The following NEK1 variants were observed in gnomAD, a reference collection of about 807,000 sequenced individuals.
NEK1 encodes serine/threonine-protein kinase Nek1.
Under a neutral mutation model 182.1 loss-of-function variants are expected in NEK1, and 137 were observed. The ratio of observed to expected loss-of-function variants is 0.75; its 90% CI spans 0.65 to 0.87. NEK1 has a LOEUF of 0.87. Ranked by LOEUF, NEK1 falls within the 40% of genes least tolerant of loss-of-function variation. NEK1 has a pLI of 0.00. For synonymous variants in NEK1, 513 were observed against 492.2 expected, an observed-to-expected ratio of 1.04 and a Z score of -0.56; for missense variants, 1,391 against 1,494.4, an observed-to-expected ratio of 0.93 and a Z score of 1.14.
At chr4:169,593,854 TGGCG>T (rs1768969244) in intron 5 of NEK1, among the ~76,000 whole-genome samples, 1 of 152,124 alleles carries the variant, frequency 6.6e-6, no homozygotes, top group Non-Finnish European at 1.5e-5. Context: ...CCAGGCGTGA[TGGCG>T]GGCGCCTGTA....
intron 12 of NEK1, among the ~76,000 whole-genome samples, chr4:169,569,539 C>T (rs367942835): frequency 4.0e-5 from 6 of 150,206 alleles, no homozygotes; most frequent in East Asian, 2.0e-4. Context: ...CCTCTGATGC[C>T]GAGCCGAAGC....
chr4:169,601,151 G>A (rs777326440), intron 4 of NEK1, among the ~76,000 whole-genome samples: 5 of 152,084 alleles, frequency 3.3e-5, no homozygotes, highest in Non-Finnish European at 7.4e-5. Context: ...TGTATTAATT[G>A]AATCACATTT....
intron 4 of NEK1, 107 bp downstream of exon 4, chr4:169,601,901 T>C (rs1770557744): frequency 5.3e-6 from 4 of 755,648 alleles, no homozygotes; most frequent in Non-Finnish European, 6.8e-6. Context: ...GATATTCATA[T>C]GCGTATGTTT....
At chr4:169,498,503 T>C (rs1390924755) in intron 23 of NEK1, among the ~76,000 whole-genome samples, 1 of 152,206 alleles carries the variant, frequency 6.6e-6, no homozygotes, top group Non-Finnish European at 1.5e-5. Context: ...CTAGCCTCGA[T>C]GGTCTTTACA....
intron 35 of NEK1, among the ~76,000 whole-genome samples, chr4:169,394,941 C>T (rs1400377788): frequency 6.6e-6 from 1 of 151,982 alleles, no homozygotes; most frequent in Non-Finnish European, 1.5e-5. Context: ...TGGGTGATCA[C>T]TGTAAAGTTC....
chr4:169,469,996 C>A (rs538727875), intron 26 of NEK1, among the ~76,000 whole-genome samples: 3 of 144,070 alleles, frequency 2.1e-5, no homozygotes, highest in East Asian at 4.0e-4. Context: ...ATTCCTCCAT[C>A]GCTTTATTTT....
At chr4:169,404,266 T>C (rs1025998192) in intron 32 of NEK1, among the ~76,000 whole-genome samples, 6 of 151,992 alleles carry the variant, frequency 3.9e-5, no homozygotes, top group African/African-American at 1.4e-4. Context: ...ATGACTACAG[T>C]CAAGTAGAAG....
intron 30 of NEK1, among the ~76,000 whole-genome samples, 197 bp downstream of exon 30, chr4:169,425,949 A>C (rs1392182917): frequency 6.6e-6 from 1 of 152,152 alleles, no homozygotes; most frequent in Non-Finnish European, 1.5e-5. Flanking sequence ...CTGACCAAAA[A>C]CTTTCACTGC....
chr4:169,463,315 C>T lies in NEK1; in HGVS notation c.2515G>A (p.Val839Ile). The change falls in exon 27 of 36, where the codon GTT (valine) becomes ATT (isoleucine). Residue 839 changes from valine to isoleucine, a missense_variant. Physicochemically the swap from Val to Ile is conservative, Grantham distance 29 (BLOSUM62 3). This residue lies in a region of NEK1 where 1,216 missense variants were observed against 1,277.6 expected (regional missense o/e 0.95). Coordinates refer to ENST00000507142, the MANE Select transcript of NEK1 (RefSeq NM_001199397.3). ...RAWGKSPTDS[V>I]LKILGEAELQ... ...TCAGCTTCTCCAAGTATCTTTAGAACAGAATCTGTCGGACTTTTCCCCCAG... is the reference window on the plus strand; with the variant it reads ...TCAGCTTCTCCAAGTATCTTTAGAATAGAATCTGTCGGACTTTTCCCCCAG... The T allele has an allele frequency of 6.2e-7, 1 of 1,609,490 alleles. No individual in the cohort carries two copies.
intron 27 of NEK1, among the ~76,000 whole-genome samples, chr4:169,456,606 CTT>C (rs965436965): frequency 1.3e-5 from 2 of 152,132 alleles, no homozygotes; most frequent in Non-Finnish European, 2.9e-5. Context: ...GATTGGAAAA[CTT>C]AGAAGAAATG....
chr4:169,475,971 A>G (rs1047100330), intron 26 of NEK1, among the ~76,000 whole-genome samples: 2 of 152,130 alleles, frequency 1.3e-5, no homozygotes, highest in Non-Finnish European at 2.9e-5. Flanking sequence ...CAGAAAGTAA[A>G]ACTGGAGTCC....
At chr4:169,476,092 T>C (rs1746894695) in intron 26 of NEK1, among the ~76,000 whole-genome samples, 1 of 152,018 alleles carries the variant, frequency 6.6e-6, no homozygotes, top group Non-Finnish European at 1.5e-5. Context: ...GCTCAATGAA[T>C]CCCAAGGACA....
intron 12 of NEK1, among the ~76,000 whole-genome samples, chr4:169,575,776 T>C (rs1281279744): frequency 1.3e-5 from 2 of 152,232 alleles, no homozygotes; most frequent in South Asian, 4.1e-4. Flanking sequence ...TGCCATACCC[T>C]ACCCAGTAAG....
intron 27 of NEK1, among the ~76,000 whole-genome samples, chr4:169,449,137 A>G (rs1741199459): frequency 6.6e-6 from 1 of 152,212 alleles, no homozygotes; most frequent in African/African-American, 2.4e-5. Flanking sequence ...TTGAGTAGGT[A>G]AACAAAGCTG....
Position 169,400,207 on chromosome 4 carries a change from C to CA in NEK1, c.3847+17dup. On this transcript the variant is annotated intron_variant, in intron 35 of 35. Transcript: ENST00000507142. ...TCACATTTACTGAAAATTATACAGA[C>CA]ATGTGAGGAAATCTTACCTTCTTGG... is the stretch of plus-strand genomic sequence containing the variant. 2 of 1,568,318 alleles carry CA rather than the reference C, an allele frequency of 1.3e-6. No homozygotes were observed. The highest frequency in any genetic ancestry group is 2.4e-5 in the South Asian group (2 of 84,896).
intron 5 of NEK1, among the ~76,000 whole-genome samples, chr4:169,595,616 A>C (rs1206205475): frequency 6.6e-6 from 1 of 152,112 alleles, no homozygotes; most frequent in African/African-American, 2.4e-5. Context: ...TGACAAACCT[A>C]CTACTAAGAA....
At chr4:169,408,653 C>G (rs145725844) in intron 31 of NEK1, among the ~76,000 whole-genome samples, 1 of 152,226 alleles carries the variant, frequency 6.6e-6, no homozygotes, top group Non-Finnish European at 1.5e-5. Flanking sequence ...TCGCCGAAGT[C>G]CATTACATCA....
chr4:169,480,265 T>C (rs1057321370), intron 23 of NEK1, among the ~76,000 whole-genome samples: 2 of 152,016 alleles, frequency 1.3e-5, no homozygotes, highest in African/African-American at 4.8e-5. Context: ...ACAGTAATAA[T>C]ACAATCTTAA....
chr4:169,412,565 A>AAACAAAGCTAGATTTGGTAAGG (rs1185636125), intron 31 of NEK1, among the ~76,000 whole-genome samples: 6 of 152,302 alleles, frequency 3.9e-5, no homozygotes, highest in Admixed American at 6.5e-5. Flanking sequence ...ACCTTTATCA[A>AAACAAAGCTAGATTTGGTAAGG]AACAAAGCTA....
Sources: allele counts gnomAD v4.1 joint callset (sites outside exome capture counted in the v4.1 genomes callset), GRCh38; gene constraint gnomAD v4.1.1; regional missense constraint gnomAD v4.1.1; transcripts MANE v1.5; gene names NCBI Gene and HGNC (gene_info 2026-07-23, HGNC 2026-07-21).